LAMA5: variants seen among roughly 807,000 people sequenced by gnomAD.
LAMA5 encodes laminin subunit alpha 5, also known as laminin subunit alpha-5.
A neutral mutation model predicts 433.4 loss-of-function variants in LAMA5; 260 were observed. The ratio of observed to expected loss-of-function variants is 0.60; its 90% CI spans 0.54 to 0.66. The LOEUF (loss-of-function observed/expected upper bound fraction) is 0.66, where lower values mean the gene tolerates loss of function less well. LAMA5 is among the 30% of genes least tolerant of loss of function. LAMA5 has a pLI of 0.00. For missense variants in LAMA5, 5,378 were observed against 5,258.5 expected, an observed-to-expected ratio of 1.02 and a Z score of -0.70; for synonymous variants, 2,620 against 2,226.6, an observed-to-expected ratio of 1.18 and a Z score of -4.97.
At chr20:62,336,298 C>A in intron 18 of LAMA5, 42 bp downstream of exon 18, 1 of 1,413,158 alleles carries the variant, frequency 7.1e-7, no homozygotes, top group Non-Finnish European at 9.7e-7. Context: ...GGCACAGTTC[C>A]CCAAGGAACC....
Position 62,309,322 on chromosome 20 carries a change from G to C in LAMA5, c.*14C>G. Reference sequence around the variant, plus strand: ...GCTGCAGGGGCCTGACCAGGGGCCGGGGTTGGCTGTGTCCTAGGCGGCTGG... The same window carrying C: ...GCTGCAGGGGCCTGACCAGGGGCCGCGGTTGGCTGTGTCCTAGGCGGCTGG... On this transcript the variant is annotated 3_prime_UTR_variant, in exon 80 of 80. Coordinates refer to ENST00000252999, the MANE Select transcript of LAMA5 (RefSeq NM_005560.6). 6.3e-7 allele frequency: 1 copy of C among 1,590,758 alleles called. No individual in the cohort carries two copies.
intron 3 of LAMA5, 38 bp downstream of exon 3, chr20:62,353,096 T>A (rs920832830): frequency 1.4e-6 from 2 of 1,459,580 alleles, no homozygotes; most frequent in Admixed American, 2.0e-5. Context: ...GGGACCCCCC[T>A]GCCTCTCCCC....
chr20:62,332,096 C>T (rs1479259832), intron 28 of LAMA5, among the ~76,000 whole-genome samples: 3 of 151,752 alleles, frequency 2.0e-5, no homozygotes, highest in Admixed American at 6.6e-5. Flanking sequence ...AGGCAACCAA[C>T]GCTGTCTGTG....
rs755266169 is a variant in LAMA5, at chr20:62,347,045, AG to A, written c.957-18del. 71 of 1,593,068 alleles carry A rather than the reference AG, an allele frequency of 4.5e-5. 1 individual carries two copies. Among genetic ancestry groups the A allele is most frequent in the Non-Finnish European group, 4.0e-5 (47 of 1,165,036 alleles). On this transcript the variant is annotated intron_variant, in intron 6 of 79. Coordinates refer to ENST00000252999, the MANE Select transcript of LAMA5 (RefSeq NM_005560.6). The stretch of plus-strand genomic sequence containing the variant: ...CACTGCAGCCTGTGGGGTACACAGG[AG>A]GGGGGATCAGGCCCATCCTGGAGGC...
chr20:62,339,950 G>A (rs964772908), intron 11 of LAMA5, among the ~76,000 whole-genome samples: 2 of 152,204 alleles, frequency 1.3e-5, no homozygotes, highest in African/African-American at 4.8e-5. Context: ...CCTCTTGAAA[G>A]AGCGTACCTT....
chr20:62,352,293 C>T lies in LAMA5; in HGVS notation c.636G>A (p.Ala212=), dbSNP rs483876. The T allele has an allele frequency of 0.89, 1,431,104 of 1,600,242 alleles. 647,633 individuals carry two copies. The highest frequency in any genetic ancestry group is 0.95 in the East Asian group (42,657 of 44,834). ...QTLERITRDD[A]AICTTEYSRI... ...GTGAGTACTCGGTGGTGCAGATGGC[C>T]GCGTCGTCCCGTGTGATGCGCTCCA... The change falls in exon 4 of 80, where the codon GCG becomes GCA. Residue 212 remains alanine, a synonymous_variant. Transcript: ENST00000252999.
Position 62,323,558 on chromosome 20 carries a change from T to A in LAMA5, c.5962A>T (p.Thr1988Ser). ...CGCAGGCAGCCACGGCAGGCGCCCGTCAGGGGGTCGCAGTCGCTGAAGAGC... is the reference window on the plus strand; with the variant it reads ...CGCAGGCAGCCACGGCAGGCGCCCGACAGGGGGTCGCAGTCGCTGAAGAGC... ...NLLFSDCDPLTGACRGCLRHT... is the reference protein window; with the variant it reads ...NLLFSDCDPLSGACRGCLRHT... Residue 1988 changes from threonine (T) to serine (S), a missense_variant, in exon 45 of 80, where the codon ACG (threonine) becomes TCG (serine). Coordinates refer to ENST00000252999, the MANE Select transcript of LAMA5 (RefSeq NM_005560.6). 6.3e-7 allele frequency: 1 copy of A among 1,598,808 alleles called. No homozygotes were observed. Among genetic ancestry groups the A allele is most frequent in the Non-Finnish European group, 8.5e-7 (1 of 1,175,276 alleles).
At position 62,312,311 on chromosome 20, in the gene LAMA5, C is replaced by T; in HGVS notation, c.9366G>A (p.Gly3122=). Residue 3122 remains glycine, a synonymous_variant, in exon 69 of 80, where the codon GGG becomes GGA. Transcript: ENST00000252999. ...CGTGGCCATGGAAAGTCATGGCGCG[C>T]CCCACCTGCGGGGAGGCCATCCCTG... ...SAGCTADLLV[G]RAMTFHGHGF... 4 of 1,609,306 alleles carry T rather than the reference C, an allele frequency of 2.5e-6. No individual in the cohort carries two copies. Among genetic ancestry groups the T allele is most frequent in the Non-Finnish European group, 3.4e-6 (4 of 1,179,326 alleles).
chr20:62,319,633 C>CA (rs1177476396), intron 51 of LAMA5, 51 bp downstream of exon 51: 1 of 1,367,790 alleles, frequency 7.3e-7, no homozygotes, highest in South Asian at 1.2e-5. Context: ...ACCCCTACCC[C>CA]AGGCAGCCCT....
chr20:62,327,123 AC>A, intron 38 of LAMA5, 109 bp downstream of exon 38: 1 of 1,187,378 alleles, frequency 8.4e-7, no homozygotes, highest in Non-Finnish European at 1.2e-6. Flanking sequence ...ACCCTCACGG[AC>A]CCCCATGGAG....
rs1296152898 is a variant in LAMA5 at position 62,317,036 on chromosome 20, G to A, written c.7512-13C>T. On this transcript the variant is annotated splice_polypyrimidine_tract_variant and intron_variant, in intron 55 of 79. Coordinates refer to ENST00000252999, the MANE Select transcript of LAMA5 (RefSeq NM_005560.6). ...GTCCAGGATGATGCTGCAGCGGAAG[G>A]GAGGGTCGAAGGAGTGGGTAAGCGC... 3.3e-6 allele frequency: 5 copies of A among 1,517,752 alleles called. No individual in the cohort carries two copies. In the South Asian group the frequency reaches 3.9e-5, roughly 12 times the overall value. 94.0% of individuals were successfully genotyped at this position (1,517,752 alleles called of 1,614,324 possible). A position where few individuals can be genotyped will look rare whatever the true frequency, so the allele number is the denominator to read the frequency against.
chr20:62,366,954 T>G lies in LAMA5; in HGVS notation c.292A>C (p.Ile98Leu). The G allele has an allele frequency of 7.9e-7, 1 of 1,270,950 alleles. No individual in the cohort carries two copies. The highest frequency in any genetic ancestry group is 9.9e-7 in the Non-Finnish European group (1 of 1,009,650). The allele number at this position is 1,270,950 out of a possible 1,614,324, so 78.7% of individuals were successfully genotyped here. A position where few individuals can be genotyped will look rare whatever the true frequency, so the allele number is the denominator to read the frequency against. Residue 98 changes from isoleucine to leucine, a missense_variant, in exon 1 of 80, where the codon ATC (isoleucine) becomes CTC (leucine). Transcript: ENST00000252999. ...CGGCCCGCCCCTGCGCTCACCCGGATGGTCTGGTTGGGGTCGCCGCCGGCC... is the reference window on the plus strand; with the variant it reads ...CGGCCCGCCCCTGCGCTCACCCGGAGGGTCTGGTTGGGGTCGCCGCCGGCC... ...PVAGGDPNQT[I>L]RGQYCDICTA...
At chr20:62,362,796 G>C (rs1372226528) in intron 1 of LAMA5, among the ~76,000 whole-genome samples, 1 of 152,082 alleles carries the variant, frequency 6.6e-6, no homozygotes, top group Non-Finnish European at 1.5e-5. Context: ...CCAGGGTGGA[G>C]AGGGGCATCT....
At position 62,327,626 on chromosome 20, in the gene LAMA5, G is replaced by C; in HGVS notation, c.4841C>G (p.Thr1614Ser). The C allele has an allele frequency of 6.2e-7, 1 of 1,613,196 alleles. No homozygotes were observed. The highest frequency in any genetic ancestry group is 1.7e-4 in the Middle Eastern group (1 of 6,060). ...GGGGTTGGCAGCATCCAGTGAGAAG[G>C]TCCCAAGGCTGCACTGGTCACATTT... ...GPKCDQCSLG[T>S]FSLDAANPKG... The change falls in exon 37 of 80, where the codon ACC becomes AGC. Residue 1614 changes from threonine to serine, a missense_variant. Physicochemically the swap from Thr to Ser is moderately conservative, Grantham distance 58 (BLOSUM62 1). Coordinates refer to ENST00000252999, the MANE Select transcript of LAMA5 (RefSeq NM_005560.6).
intron 16 of LAMA5, chr20:62,337,106 C>G (rs971079149): frequency 1.5e-5 from 9 of 593,650 alleles, no homozygotes; most frequent in South Asian, 1.4e-4. Flanking sequence ...ACCCACTACA[C>G]GTGCACTAAC....
chr20:62,351,660 G>C (rs370100723), intron 6 of LAMA5, 44 bp downstream of exon 6: 4 of 1,579,016 alleles, frequency 2.5e-6, no homozygotes, highest in South Asian at 2.3e-5. Flanking sequence ...AGGGAGCTGG[G>C]GGGGGCCTCA....
At chr20:62,334,814 G>A (rs1271812611) in intron 20 of LAMA5, among the ~76,000 whole-genome samples, 193 bp from the exon 21 acceptor site, 1 of 126,996 alleles carries the variant, frequency 7.9e-6, no homozygotes, top group African/African-American at 2.7e-5. Context: ...CTGCCCAGGT[G>A]TAGGACAGGG....
chr20:62,318,809 C>T, intron 52 of LAMA5, 34 bp downstream of exon 52: 4 of 1,605,248 alleles, frequency 2.5e-6, no homozygotes, highest in Non-Finnish European at 3.4e-6. Flanking sequence ...CCCTGCCTCT[C>T]CCCACCCCGC....
At chr20:62,340,308 T>TTG (rs1982388202) in intron 11 of LAMA5, among the ~76,000 whole-genome samples, 1 of 80,350 alleles carries the variant, frequency 1.2e-5, no homozygotes, top group African/African-American at 5.2e-5. Context: ...CTCCTTTGTT[T>TTG]TTTTTTTTTT....
Sources: allele counts gnomAD v4.1 joint callset (sites outside exome capture counted in the v4.1 genomes callset), GRCh38; gene constraint gnomAD v4.1.1; transcripts MANE v1.5; gene names NCBI Gene and HGNC (gene_info 2026-07-23, HGNC 2026-07-21).